The following PTPRD variants were observed in gnomAD, a reference collection of about 807,000 sequenced individuals.
PTPRD encodes receptor-type tyrosine-protein phosphatase delta.
A neutral mutation model predicts 214.5 loss-of-function variants in PTPRD; 34 were observed. That is an observed-to-expected ratio of 0.16 (90% CI 0.12 to 0.21). The LOEUF is 0.21. PTPRD is among the 10% of genes least tolerant of loss of function. PTPRD has a pLI of 1.00. For synonymous variants in PTPRD, 1,128 were observed against 845.7 expected (o/e 1.33, Z -5.79); for missense variants, 2,545 against 2,398.7 (o/e 1.06, Z -1.27).
intron 11 of PTPRD, among the ~76,000 whole-genome samples, chr9:8,916,144 G>C (rs1037428470): frequency 1.3e-5 from 2 of 152,122 alleles, no homozygotes; most frequent in African/African-American, 4.8e-5. Flanking sequence ...ATTATCAATG[G>C]ATATACAGTC....
At position 9,068,664 on chromosome 9, in the gene PTPRD, T is replaced by G. The variant is rs188465190; in HGVS notation, c.-142-49929A>C. Among the ~76,000 whole-genome samples, 290 of 152,244 alleles carry G rather than the reference T, an allele frequency of 1.9e-3. 2 individuals carry two copies. The highest frequency in any genetic ancestry group is 2.0e-3 in the Non-Finnish European group (138 of 68,016). ...AGTCTCACTTGTCCCCAGGCTGGAG[T>G]GCAGTGGCGCACTCTCAGCTCACTG... On this transcript the variant is annotated intron_variant, in intron 10 of 45. Coordinates refer to ENST00000381196, the MANE Select transcript of PTPRD (RefSeq NM_002839.4).
chr9:10,097,168 A>G (rs200676688), intron 3 of PTPRD, among the ~76,000 whole-genome samples: 2 of 109,910 alleles, frequency 1.8e-5, no homozygotes, highest in African/African-American at 2.9e-5. Context: ...AAGTCAGGTA[A>G]CAGGATGCCT....
intron 11 of PTPRD, among the ~76,000 whole-genome samples, chr9:8,976,912 C>A (rs937482162): frequency 2.6e-5 from 4 of 151,968 alleles, no homozygotes; most frequent in African/African-American, 9.7e-5. Context: ...TATCTCTAAC[C>A]CTGACTTTTC....
chr9:9,772,632 GTTACTGAGAATAGCTTAGTATA>G (rs1011816300), intron 5 of PTPRD, among the ~76,000 whole-genome samples: 8 of 141,282 alleles, frequency 5.7e-5, no homozygotes, highest in Non-Finnish European at 1.2e-4. Flanking sequence ...AAACACTTTA[GTTACTGAGAATAGCTTAGTATA>G]TATCTGTCTC....
chr9:10,412,657 CA>C lies in PTPRD; in HGVS notation c.-599-71641del, dbSNP rs1403981404. On this transcript the variant is annotated intron_variant, in intron 2 of 45. Transcript: ENST00000381196. ...AAACACACACACACACACACACACA[CA>C]CACACACCCCTTGAAGCCAATATTC... 1.6e-4 allele frequency among the ~76,000 whole-genome samples: 24 copies of C among 150,478 alleles called. 1 individual carries two copies. The highest frequency in any genetic ancestry group is 3.4e-3 in the Middle Eastern group (1 of 294).
chr9:8,326,160 G>C (rs1379666176), intron 44 of PTPRD, among the ~76,000 whole-genome samples: 2 of 152,184 alleles, frequency 1.3e-5, no homozygotes, highest in African/African-American at 2.4e-5. Context: ...TTTTCAAAGG[G>C]AGTGCTTCCA....
chr9:9,530,040 C>G (rs1358312550), intron 8 of PTPRD, among the ~76,000 whole-genome samples: 3 of 151,952 alleles, frequency 2.0e-5, no homozygotes, highest in African/African-American at 7.2e-5. Flanking sequence ...GCAGTAAGTA[C>G]CTACATCAAA....
intron 7 of PTPRD, among the ~76,000 whole-genome samples, chr9:9,729,026 A>G (rs2098139776): frequency 6.6e-6 from 1 of 152,160 alleles, no homozygotes; most frequent in East Asian, 1.9e-4. Context: ...ATTATTTCAA[A>G]GTCTAAAATA....
intron 3 of PTPRD, among the ~76,000 whole-genome samples, chr9:10,051,439 T>C (rs1236788840): frequency 6.6e-6 from 1 of 152,086 alleles, no homozygotes; most frequent in Non-Finnish European, 1.5e-5. Context: ...ATCTTTTTTT[T>C]CAGTTTTTTT....
At position 8,622,311 on chromosome 9, in the gene PTPRD, C is replaced by A. The variant is rs75954025; in HGVS notation, c.352+11006G>T. Among the ~76,000 whole-genome samples the A allele has an allele frequency of 3.7e-3, 559 of 151,950 alleles. 3 individuals carry two copies. The highest frequency in any genetic ancestry group is 0.013 in the African/African-American group (538 of 41,502). The stretch of plus-strand genomic sequence containing the variant: ...CTCAGAACATTTTTACTCATCAGGA[C>A]AAAAAGGTGAGCTTAATTCTTCTGT... On this transcript the variant is annotated intron_variant, in intron 14 of 45. Transcript: ENST00000381196.
At chr9:9,162,999 T>C (rs1415330839) in intron 10 of PTPRD, among the ~76,000 whole-genome samples, 1 of 152,120 alleles carries the variant, frequency 6.6e-6, no homozygotes, top group Non-Finnish European at 1.5e-5. Context: ...ACAACTCTCT[T>C]CTGGTGTGCC....
intron 5 of PTPRD, among the ~76,000 whole-genome samples, chr9:9,820,883 T>C (rs1462015131): frequency 6.6e-6 from 1 of 152,200 alleles, no homozygotes; most frequent in Non-Finnish European, 1.5e-5. Context: ...TTGGCTACTA[T>C]GGACTTGCAG....
intron 4 of PTPRD, among the ~76,000 whole-genome samples, chr9:10,011,414 C>T (rs945996069): frequency 1.3e-5 from 2 of 151,798 alleles, no homozygotes; most frequent in African/African-American, 2.4e-5. Context: ...TAAAATTTAA[C>T]AAAACAAATA....
chr9:8,404,470 C>A, intron 36 of PTPRD, 67 bp downstream of exon 36: 2 of 1,546,182 alleles, frequency 1.3e-6, no homozygotes, highest in South Asian at 1.2e-5. Context: ...CTCACTAAAA[C>A]AATATTCTCA....
intron 12 of PTPRD, among the ~76,000 whole-genome samples, chr9:8,638,064 GA>G (rs1241288916): frequency 6.8e-6 from 1 of 147,614 alleles, no homozygotes; most frequent in Non-Finnish European, 1.5e-5. Flanking sequence ...TGTTCTGGCT[GA>G]AAATGTTTTA....
intron 14 of PTPRD, among the ~76,000 whole-genome samples, chr9:8,587,243 C>A (rs1181579988): frequency 6.6e-6 from 1 of 152,168 alleles, no homozygotes; most frequent in African/African-American, 2.4e-5. Context: ...CAACTACTTA[C>A]AAATAATAAA....
At chr9:8,323,534 T>C (rs1276680362) in intron 44 of PTPRD, among the ~76,000 whole-genome samples, 1 of 152,166 alleles carries the variant, frequency 6.6e-6, no homozygotes, top group East Asian at 1.9e-4. Flanking sequence ...TGGAAGAAGT[T>C]GATTCCAATC....
chr9:9,550,383 C>A (rs1026370757), intron 8 of PTPRD, among the ~76,000 whole-genome samples: 2 of 146,992 alleles, frequency 1.4e-5, no homozygotes, highest in Admixed American at 1.4e-4. Context: ...ACATATAGTT[C>A]TCTCTCTATA....
At chr9:8,741,426 CT>C (rs2091892614) in intron 11 of PTPRD, among the ~76,000 whole-genome samples, 1 of 152,052 alleles carries the variant, frequency 6.6e-6, no homozygotes, top group African/African-American at 2.4e-5. Flanking sequence ...CGTTGGAACT[CT>C]AATATTTGTT....
Sources: gnomAD v4.1 joint callset for allele counts (sites outside exome capture counted in the v4.1 genomes callset) on GRCh38, gnomAD v4.1.1 for gene constraint, MANE v1.5 for transcripts, NCBI Gene and HGNC (gene_info 2026-07-23, HGNC 2026-07-21) for gene names.